Variants in TTC6 observed in about 807,000 individuals in gnomAD.
TTC6 encodes the protein tetratricopeptide repeat protein 6.
In TTC6, 172 loss-of-function variants were observed where a neutral mutation model predicts 210.4. The ratio of observed to expected loss-of-function variants is 0.82; its 90% CI spans 0.72 to 0.93. TTC6 has a LOEUF of 0.93. TTC6 is among the 40% of genes least tolerant of loss of function. The pLI, the probability that TTC6 is intolerant of heterozygous loss-of-function variation, is 0.00. For synonymous variants in TTC6, 804 were observed against 819.6 expected (o/e 0.98, Z 0.32); for missense variants, 2,414 against 2,318.1 (o/e 1.04, Z -0.85).
chr14:37,838,569 T>TA (rs1254381705), intron 29 of TTC6, among the ~76,000 whole-genome samples: 3 of 152,234 alleles, frequency 2.0e-5, no homozygotes, highest in Admixed American at 1.3e-4. Flanking sequence ...ACTGAGTTTT[T>TA]ATCTCTCTTT....
chr14:37,817,670 G>A lies in TTC6; in HGVS notation c.4763+19G>A, dbSNP rs1566972076. 6.2e-7 allele frequency: 1 copy of A among 1,611,726 alleles called. No homozygotes were observed. Among genetic ancestry groups the A allele is most frequent in the Non-Finnish European group, 8.5e-7 (1 of 1,178,016 alleles). On this transcript the variant is annotated intron_variant, in intron 26 of 30. Transcript: ENST00000553443. ...ATCACAGGTATGGAGTGCAATTGAT[G>A]TCAAAGTGGAATCAAGCAGGACCAT...
chr14:37,722,805 T>C (rs1028993055), intron 6 of TTC6, among the ~76,000 whole-genome samples: 1 of 152,206 alleles, frequency 6.6e-6, no homozygotes, highest in African/African-American at 2.4e-5. Context: ...GGTTTCTTCA[T>C]TTAAAGTCTG....
At chr14:37,699,383 CT>C (rs943372294) in intron 4 of TTC6, among the ~76,000 whole-genome samples, 1 of 152,202 alleles carries the variant, frequency 6.6e-6, no homozygotes, top group Non-Finnish European at 1.5e-5. Context: ...AATTGACTTG[CT>C]TATGACCAAG....
intron 1 of TTC6, among the ~76,000 whole-genome samples, chr14:37,624,628 A>G (rs748297708): frequency 2.0e-5 from 3 of 151,872 alleles, no homozygotes; most frequent in Non-Finnish European, 4.4e-5. Context: ...CCTCTTGTGT[A>G]TTCTTTTTTT....
chr14:37,816,384 A>G (rs2096141914), intron 25 of TTC6, among the ~76,000 whole-genome samples: 1 of 151,978 alleles, frequency 6.6e-6, no homozygotes, highest in Non-Finnish European at 1.5e-5. Context: ...TGGGAGGGAG[A>G]GAGAGAGTGT....
At chr14:37,676,698 T>TA (rs1267269410) in intron 1 of TTC6, among the ~76,000 whole-genome samples, 1 of 152,130 alleles carries the variant, frequency 6.6e-6, no homozygotes, top group East Asian at 1.9e-4. Flanking sequence ...AGTTTATAGG[T>TA]CTTACATTCA....
At chr14:37,633,110 C>G (rs1239786950) in intron 1 of TTC6, among the ~76,000 whole-genome samples, 1 of 152,170 alleles carries the variant, frequency 6.6e-6, no homozygotes, top group African/African-American at 2.4e-5. Flanking sequence ...CTGGCTTCAG[C>G]CCCCTTTCTA....
intron 14 of TTC6, among the ~76,000 whole-genome samples, chr14:37,771,441 C>A (rs2139184406): frequency 6.6e-6 from 1 of 152,294 alleles, no homozygotes; most frequent in African/African-American, 2.4e-5. Flanking sequence ...TCAGGTACAC[C>A]AATCGGACGT....
intron 10 of TTC6, among the ~76,000 whole-genome samples, chr14:37,739,815 A>G (rs2095913326): frequency 6.6e-6 from 1 of 152,148 alleles, no homozygotes; most frequent in Non-Finnish European, 1.5e-5. Context: ...CTACTCATTC[A>G]AAATAGATAT....
At chr14:37,739,226 C>A in intron 10 of TTC6, 71 bp downstream of exon 12, 5 of 1,327,916 alleles carry the variant, frequency 3.8e-6, no homozygotes, top group Non-Finnish European at 5.0e-6. Context: ...TATAATCTCA[C>A]CCCATGAAGT....
chr14:37,822,299 A>G (rs998555418), intron 26 of TTC6, among the ~76,000 whole-genome samples: 9 of 152,224 alleles, frequency 5.9e-5, no homozygotes, highest in Non-Finnish European at 1.0e-4. Context: ...TATTTAGTAA[A>G]TGATAGTGTA....
intron 1 of TTC6, among the ~76,000 whole-genome samples, chr14:37,628,049 C>A (rs1263347050): frequency 6.6e-6 from 1 of 152,226 alleles, no homozygotes. Flanking sequence ...CAGCTCACTG[C>A]AACCTCCACC....
chr14:37,646,619 A>G (rs2095702234), intron 1 of TTC6, among the ~76,000 whole-genome samples: 1 of 152,312 alleles, frequency 6.6e-6, no homozygotes, highest in African/African-American at 2.4e-5. Context: ...AAAACATTAT[A>G]TAGATTGGCA....
intron 1 of TTC6, among the ~76,000 whole-genome samples, chr14:37,666,923 A>G (rs999195509): frequency 1.3e-5 from 2 of 150,216 alleles, no homozygotes; most frequent in African/African-American, 4.8e-5. Context: ...TTTTATGACT[A>G]TGGTGGTATA....
intron 3 of TTC6, among the ~76,000 whole-genome samples, chr14:37,691,223 G>A (rs761410118): frequency 2.0e-5 from 3 of 152,038 alleles, no homozygotes; most frequent in Non-Finnish European, 4.4e-5. Context: ...CCAGCTACTC[G>A]GGAGGCTGAG....
chr14:37,686,653 G>C (rs541535495), intron 3 of TTC6, among the ~76,000 whole-genome samples: 2 of 152,306 alleles, frequency 1.3e-5, no homozygotes, highest in African/African-American at 4.8e-5. Context: ...GGTGGAAGGT[G>C]AGACGTGTGT....
At chr14:37,639,461 C>G (rs2095687402) in intron 1 of TTC6, among the ~76,000 whole-genome samples, 1 of 152,140 alleles carries the variant, frequency 6.6e-6, no homozygotes, top group African/African-American at 2.4e-5. Flanking sequence ...AGAAGTTTCC[C>G]TCTATTGCCA....
intron 1 of TTC6, among the ~76,000 whole-genome samples, chr14:37,643,720 G>C (rs1250370282): frequency 6.6e-6 from 1 of 152,136 alleles, no homozygotes; most frequent in African/African-American, 2.4e-5. Flanking sequence ...TACAGGAGCA[G>C]ATTATAATAA....
intron 30 of TTC6, 41 bp downstream of exon 32, chr14:37,841,711 G>A: frequency 1.0e-5 from 15 of 1,464,684 alleles, no homozygotes; most frequent in Non-Finnish European, 1.4e-5. Context: ...TACAGTGGTT[G>A]AAGTGATTAT....
Sources: gnomAD v4.1 joint callset for allele counts (sites outside exome capture counted in the v4.1 genomes callset) on GRCh38, gnomAD v4.1.1 for gene constraint, MANE v1.5 for transcripts, NCBI Gene and HGNC (gene_info 2026-07-23, HGNC 2026-07-21) for gene names.